SLC2A2: variants seen among roughly 807,000 people sequenced by gnomAD.
SLC2A2 encodes solute carrier family 2 member 2.
SLC2A2 carries 36 observed loss-of-function variants against 54.5 expected under a neutral mutation model. That is an observed-to-expected ratio of 0.66 (90% CI 0.51 to 0.87). The LOEUF is 0.87. Ranked by LOEUF, SLC2A2 falls within the 40% of genes least tolerant of loss-of-function variation. The pLI, the probability that SLC2A2 is intolerant of heterozygous loss-of-function variation, is 0.00. For synonymous variants in SLC2A2, 223 were observed against 219.1 expected (o/e 1.02, Z -0.16); for missense variants, 543 against 624.3 (o/e 0.87, Z 1.39).
chr3:170,996,850 C>A lies in SLC2A2; in HGVS notation c.*1053G>T, dbSNP rs1035487106. 5.1e-6 allele frequency: 2 copies of A among 390,150 alleles called. No homozygotes were observed. The highest frequency in any genetic ancestry group is 9.1e-6 in the Non-Finnish European group (2 of 220,946). The allele number at this position is 390,150 out of a possible 1,614,324, so 24.2% of individuals were successfully genotyped here. A position where few individuals can be genotyped will look rare whatever the true frequency, so the allele number is the denominator to read the frequency against. Reference sequence around the variant, plus strand: ...ATTAAATAGGGATTTTGATAAAAGTCTGAAGCTGAACATTTATGAAGTTTC... The same window carrying A: ...ATTAAATAGGGATTTTGATAAAAGTATGAAGCTGAACATTTATGAAGTTTC... On this transcript the variant is annotated 3_prime_UTR_variant, in exon 11 of 11. Coordinates refer to ENST00000314251, the MANE Select transcript of SLC2A2 (RefSeq NM_000340.2).
rs2108232309 is a variant in SLC2A2, at chr3:170,997,929, A to G, written c.1549T>C (p.Phe517Leu). 3 of 1,613,398 alleles carry G rather than the reference A, an allele frequency of 1.9e-6. No individual in the cohort carries two copies. The highest frequency in any genetic ancestry group is 2.5e-6 in the Non-Finnish European group (3 of 1,179,668). The change falls in exon 11 of 11, where the codon TTC becomes CTC. Residue 517 changes from phenylalanine to leucine, a missense_variant. Phe to Leu is a conservative substitution (Grantham distance 22, BLOSUM62 0). Coordinates refer to ENST00000314251, the MANE Select transcript of SLC2A2 (RefSeq NM_000340.2). ...HRPKAAVEMK[F>L]LGATETV ...TACACAGTCTCTGTAGCTCCTAGGA[A>G]TTTCATTTCTACAGCAGCTTTTGGC...
intron 8 of SLC2A2, among the ~76,000 whole-genome samples, chr3:171,001,662 A>T (rs950070755): frequency 6.6e-6 from 1 of 152,074 alleles, no homozygotes; most frequent in Non-Finnish European, 1.5e-5. Flanking sequence ...TTGAACAAAG[A>T]TAAAAATAAG....
chr3:171,002,547 C>T, intron 8 of SLC2A2, 29 bp downstream of exon 8: 6 of 1,412,186 alleles, frequency 4.2e-6, no homozygotes, highest in Non-Finnish European at 6.0e-6. Flanking sequence ...AAGGAACAAG[C>T]AGAGTATTTA....
intron 3 of SLC2A2, among the ~76,000 whole-genome samples, chr3:171,012,642 T>C (rs920280150): frequency 1.3e-5 from 2 of 152,194 alleles, no homozygotes; most frequent in African/African-American, 4.8e-5. Flanking sequence ...ATTACATTTT[T>C]ATTTATTTAC....
chr3:171,021,066 G>C (rs1046409480), intron 1 of SLC2A2, among the ~76,000 whole-genome samples: 1 of 152,038 alleles, frequency 6.6e-6, no homozygotes, highest in African/African-American at 2.4e-5. Flanking sequence ...ATGTGAGTAT[G>C]AAAGATTTTG....
At chr3:171,010,769 C>A (rs1715844163) in intron 3 of SLC2A2, among the ~76,000 whole-genome samples, 1 of 151,982 alleles carries the variant, frequency 6.6e-6, no homozygotes, top group Non-Finnish European at 1.5e-5. Context: ...TTTCCAAAAT[C>A]TATAAATTAT....
chr3:171,024,646 G>C (rs866723970), intron 1 of SLC2A2, among the ~76,000 whole-genome samples: 4 of 152,158 alleles, frequency 2.6e-5, no homozygotes, highest in Non-Finnish European at 4.4e-5. Context: ...AGAGACCTTA[G>C]AGAACAATGG....
chr3:171,004,642 A>T (rs1308096510), intron 7 of SLC2A2, among the ~76,000 whole-genome samples: 8 of 151,444 alleles, frequency 5.3e-5, no homozygotes, highest in African/African-American at 1.9e-4. Flanking sequence ...TTTTTCCTCT[A>T]GTAGTCAATT....
At chr3:171,012,506 G>A (rs1298672050) in intron 3 of SLC2A2, among the ~76,000 whole-genome samples, 3 of 152,100 alleles carry the variant, frequency 2.0e-5, no homozygotes, top group Non-Finnish European at 2.9e-5. Flanking sequence ...TAATTAAACT[G>A]TAAATGCATA....
In SLC2A2 at chr3:171,014,331, AT is replaced by A. The variant is rs1356722599; in HGVS notation, c.371+137del. ...TTCATTGATTTGATCTAACACTGAT[AT>A]GCCTCATAGGGTCATGAGTTGAAAA... On this transcript the variant is annotated intron_variant, in intron 3 of 10. Coordinates refer to ENST00000314251, the MANE Select transcript of SLC2A2 (RefSeq NM_000340.2). 2.1e-5 allele frequency: 18 copies of A among 842,664 alleles called. No individual in the cohort carries two copies. In the East Asian group the frequency reaches 4.4e-4, roughly 21 times the overall value. 52.2% of individuals were successfully genotyped at this position (842,664 alleles called of 1,614,324 possible).
chr3:171,010,615 A>G (rs1432033555), intron 3 of SLC2A2, among the ~76,000 whole-genome samples: 1 of 152,078 alleles, frequency 6.6e-6, no homozygotes, highest in Admixed American at 6.6e-5. Context: ...TTTCAATGGC[A>G]CAGGTTTTTA....
rs141194399 is a variant in SLC2A2 at position 171,017,143 on chromosome 3, C to T, written c.108+1388G>A. ...CTGGGATTACAGGAGTGAGCCACTGCGCCCGGCCAGGGATGGTTCAATTAA... is the reference window on the plus strand; with the variant it reads ...CTGGGATTACAGGAGTGAGCCACTGTGCCCGGCCAGGGATGGTTCAATTAA... On this transcript the variant is annotated intron_variant, in intron 2 of 10. Coordinates refer to ENST00000314251, the MANE Select transcript of SLC2A2 (RefSeq NM_000340.2). 7.4e-3 allele frequency among the ~76,000 whole-genome samples: 1,122 copies of T among 152,228 alleles called. 10 individuals carry two copies. The highest frequency in any genetic ancestry group is 0.034 in the Middle Eastern group (10 of 294).
chr3:171,022,678 C>T (rs1716515493), intron 1 of SLC2A2, among the ~76,000 whole-genome samples: 1 of 152,190 alleles, frequency 6.6e-6, no homozygotes, highest in African/African-American at 2.4e-5. Flanking sequence ...GATTTCTGTT[C>T]TCTGGGGGTT....
rs6796748 is a variant in SLC2A2, at chr3:171,015,602, G to A, written c.109-871C>T. Among the ~76,000 whole-genome samples, 977 of 152,174 alleles carry A rather than the reference G, an allele frequency of 6.4e-3. 13 individuals carry two copies. Among genetic ancestry groups the A allele is most frequent in the African/African-American group, 0.022 (906 of 41,520 alleles). On this transcript the variant is annotated intron_variant, in intron 2 of 10. Transcript: ENST00000314251. Reference sequence around the variant, plus strand: ...AAAGTGGATATAAGAAAAAAGACTGGGAAAGTTAAGATGAGGGTCAAAAAT... The same window carrying A: ...AAAGTGGATATAAGAAAAAAGACTGAGAAAGTTAAGATGAGGGTCAAAAAT...
At chr3:171,000,798 A>G (rs932862085) in intron 8 of SLC2A2, among the ~76,000 whole-genome samples, 2 of 152,108 alleles carry the variant, frequency 1.3e-5, no homozygotes, top group African/African-American at 4.8e-5. Context: ...TATTCAGTGC[A>G]TATTTCTATT....
chr3:171,002,953 AAAGTAT>A (rs1715409433), intron 7 of SLC2A2, among the ~76,000 whole-genome samples: 1 of 152,062 alleles, frequency 6.6e-6, no homozygotes, highest in African/African-American at 2.4e-5. Context: ...ACGTTTTGTT[AAAGTAT>A]AATATACATA....
chr3:171,005,189 C>G, intron 7 of SLC2A2, 96 bp downstream of exon 7: 2 of 1,027,622 alleles, frequency 1.9e-6, no homozygotes, highest in Non-Finnish European at 3.1e-6. Context: ...ATGCCAATAC[C>G]TTAAAATATC....
intron 2 of SLC2A2, among the ~76,000 whole-genome samples, chr3:171,015,357 C>A (rs1401814084): frequency 6.6e-6 from 1 of 152,012 alleles, no homozygotes; most frequent in African/African-American, 2.4e-5. Context: ...GTAGTCCCAG[C>A]TACTTGGAGG....
At chr3:171,016,852 CTTTTTTTTT>C (rs201071901) in intron 2 of SLC2A2, among the ~76,000 whole-genome samples, 11 of 114,332 alleles carry the variant, frequency 9.6e-5, no homozygotes, top group East Asian at 6.9e-4. Flanking sequence ...TTAATTTTTT[CTTTTTTTTT>C]TTTTTTTTTG....
Sources: allele counts gnomAD v4.1 joint callset (sites outside exome capture counted in the v4.1 genomes callset), GRCh38; gene constraint gnomAD v4.1.1; transcripts MANE v1.5; gene names NCBI Gene and HGNC (gene_info 2026-07-23, HGNC 2026-07-21).